Variants in NKAIN2 observed in about 807,000 individuals in gnomAD.
NKAIN2 encodes sodium/potassium transporting ATPase interacting 2.
A neutral mutation model predicts 32.6 loss-of-function variants in NKAIN2; 14 were observed. The ratio of observed to expected loss-of-function variants is 0.43; its 90% CI spans 0.28 to 0.67. The LOEUF (loss-of-function observed/expected upper bound fraction) is 0.67. Among genes scored for constraint, NKAIN2 ranks in the 30% least tolerant of loss-of-function variants. NKAIN2 has a pLI of 0.17. For missense variants in NKAIN2, 198 were observed against 258.3 expected (o/e 0.77, Z 1.60); for synonymous variants, 80 against 87.2 (o/e 0.92, Z 0.46).
intron 1 of NKAIN2, among the ~76,000 whole-genome samples, chr6:123,846,942 G>C (rs954922236): frequency 3.9e-5 from 6 of 152,006 alleles, no homozygotes; most frequent in African/African-American, 1.2e-4. Flanking sequence ...GGAGATAAAC[G>C]GATGAACATG....
intron 1 of NKAIN2, among the ~76,000 whole-genome samples, chr6:123,987,097 A>T (rs548791125): frequency 1.6e-4 from 25 of 152,338 alleles, no homozygotes; most frequent in African/African-American, 6.0e-4. Context: ...ATGAGGTGAT[A>T]TTTATATAAG....
At chr6:124,699,092 G>C (rs748516843) in intron 4 of NKAIN2, among the ~76,000 whole-genome samples, 3 of 152,122 alleles carry the variant, frequency 2.0e-5, no homozygotes, top group Non-Finnish European at 4.4e-5. Context: ...CCAAAGCTTA[G>C]TGGCTTAAAG....
At chr6:123,851,919 T>A (rs1775363311) in intron 1 of NKAIN2, among the ~76,000 whole-genome samples, 2 of 152,234 alleles carry the variant, frequency 1.3e-5, no homozygotes, top group African/African-American at 4.8e-5. Context: ...ATTTTCATTT[T>A]ATTTTTATTT....
At chr6:124,229,820 C>A (rs758024032) in intron 1 of NKAIN2, among the ~76,000 whole-genome samples, 2 of 152,126 alleles carry the variant, frequency 1.3e-5, no homozygotes, top group Non-Finnish European at 2.9e-5. Flanking sequence ...GCCTCCCAGC[C>A]ACGTGGAACT....
At chr6:124,756,258 C>G (rs1375234296) in intron 4 of NKAIN2, among the ~76,000 whole-genome samples, 2 of 152,116 alleles carry the variant, frequency 1.3e-5, no homozygotes, top group African/African-American at 2.4e-5. Context: ...TGCCTGAGGC[C>G]CCTTCCTCAT....
At chr6:124,216,762 G>A (rs1412910099) in intron 1 of NKAIN2, among the ~76,000 whole-genome samples, 2 of 152,062 alleles carry the variant, frequency 1.3e-5, no homozygotes, top group African/African-American at 4.8e-5. Flanking sequence ...ATTAAATAAG[G>A]AGTTTTGTAT....
intron 3 of NKAIN2, among the ~76,000 whole-genome samples, chr6:124,630,178 T>G (rs1332925080): frequency 6.6e-6 from 1 of 152,126 alleles, no homozygotes; most frequent in African/African-American, 2.4e-5. Context: ...AAATCCAGGC[T>G]CCATACACTT....
intron 4 of NKAIN2, among the ~76,000 whole-genome samples, chr6:124,716,913 G>A (rs1279088463): frequency 6.6e-6 from 1 of 152,164 alleles, no homozygotes; most frequent in African/African-American, 2.4e-5. Context: ...AATTGTGTCT[G>A]TTTTTGTTTT....
intron 2 of NKAIN2, among the ~76,000 whole-genome samples, chr6:124,330,061 T>C (rs984008528): frequency 6.6e-6 from 1 of 152,234 alleles, no homozygotes; most frequent in Non-Finnish European, 1.5e-5. Flanking sequence ...ATTTTGGGGA[T>C]TGAGCATTGC....
At position 124,061,760 on chromosome 6, in the gene NKAIN2, C is replaced by T. The variant is rs147968854; in HGVS notation, c.55-221245C>T. ...CAAAGAAGAGATCTAGTATGAAAAT[C>T]TCAGAAGTGAGTCCACAAATACACA... On this transcript the variant is annotated intron_variant, in intron 1 of 6. Transcript: ENST00000368417. 5.1e-3 allele frequency among the ~76,000 whole-genome samples: 779 copies of T among 151,932 alleles called. 6 individuals carry two copies. The highest frequency in any genetic ancestry group is 0.02 in the Middle Eastern group (6 of 294).
At chr6:124,378,271 C>G (rs920505270) in intron 3 of NKAIN2, among the ~76,000 whole-genome samples, 4 of 152,218 alleles carry the variant, frequency 2.6e-5, no homozygotes, top group South Asian at 2.1e-4. Context: ...CAGCAAGGGA[C>G]AGCAAAAGCC....
rs1271100335 is a variant in NKAIN2 at position 123,911,805 on chromosome 6, A to ATATATATATGTATATATATATATATG, written c.54+107559_54+107560insTGTATATATATATATATGTATATATA. ...TACATATATATATATATATATGTAT[A>ATATATATATGTATATATATATATATG]TATATATACACACACACACACACAC... On this transcript the variant is annotated intron_variant, in intron 1 of 6. Coordinates refer to ENST00000368417, the MANE Select transcript of NKAIN2 (RefSeq NM_001040214.3). Among the ~76,000 whole-genome samples, 243 of 102,634 alleles carry ATATATATATGTATATATATATATATG rather than the reference A, an allele frequency of 2.4e-3. 22 individuals carry two copies. The highest frequency in any genetic ancestry group is 3.0e-3 in the Non-Finnish European group (164 of 53,844). The allele number at this position is 102,634 out of a possible 152,430, so 67.3% of individuals were successfully genotyped here.
At chr6:123,845,537 A>G (rs183452047) in intron 1 of NKAIN2, among the ~76,000 whole-genome samples, 13 of 152,306 alleles carry the variant, frequency 8.5e-5, no homozygotes, top group Admixed American at 2.0e-4. Flanking sequence ...TATACAGTTG[A>G]CTCATGAACA....
intron 4 of NKAIN2, among the ~76,000 whole-genome samples, chr6:124,744,014 G>A (rs867292629): frequency 2.6e-5 from 4 of 151,762 alleles, no homozygotes; most frequent in Admixed American, 6.6e-5. Context: ...GATCAGTTAT[G>A]TTTTCAAAAT....
At chr6:124,313,275 C>G (rs1688616543) in intron 2 of NKAIN2, among the ~76,000 whole-genome samples, 1 of 152,024 alleles carries the variant, frequency 6.6e-6, no homozygotes, top group African/African-American at 2.4e-5. Flanking sequence ...GAAATGTAAC[C>G]AGTCCTTGAA....
intron 1 of NKAIN2, among the ~76,000 whole-genome samples, chr6:124,270,429 C>T (rs1219990213): frequency 3.3e-5 from 5 of 151,918 alleles, no homozygotes; most frequent in African/African-American, 1.2e-4. Flanking sequence ...AAAAAAAAAT[C>T]TGTATTTTTA....
chr6:124,386,791 C>A (rs1364138258), intron 3 of NKAIN2, among the ~76,000 whole-genome samples: 1 of 152,148 alleles, frequency 6.6e-6, no homozygotes, highest in African/African-American at 2.4e-5. Context: ...GCTTCATCTT[C>A]AATATCATCT....
chr6:124,509,679 A>G (rs1325536374), intron 3 of NKAIN2, among the ~76,000 whole-genome samples: 1 of 152,200 alleles, frequency 6.6e-6, no homozygotes, highest in East Asian at 1.9e-4. Context: ...GATTAAAGTA[A>G]TTAATTTTCT....
intron 3 of NKAIN2, among the ~76,000 whole-genome samples, chr6:124,493,034 GCACCTATTAATA>G (rs781165045): frequency 4.9e-4 from 74 of 152,018 alleles, no homozygotes; most frequent in Non-Finnish European, 7.5e-4. Context: ...ATAAGTTATG[GCACCTATTAATA>G]CAGTTGTTAT....
Sources: gnomAD v4.1 joint callset for allele counts (sites outside exome capture counted in the v4.1 genomes callset) on GRCh38, gnomAD v4.1.1 for gene constraint, MANE v1.5 for transcripts, NCBI Gene and HGNC (gene_info 2026-07-23, HGNC 2026-07-21) for gene names.